The following LONP1 variants were observed in gnomAD, a reference collection of about 807,000 sequenced individuals.
LONP1 encodes lon protease homolog, mitochondrial.
In LONP1, 31 loss-of-function variants were observed where a neutral mutation model predicts 98.5. That is an observed-to-expected ratio of 0.31 (90% CI 0.24 to 0.42). LONP1 has a LOEUF of 0.42. LONP1 is among the 20% of genes least tolerant of loss of function. LONP1 has a pLI of 1.00. For synonymous variants in LONP1, 781 were observed against 594.7 expected (o/e 1.31, Z -4.56); for missense variants, 1,336 against 1,350.6 (o/e 0.99, Z 0.17).
chr19:5,707,895 G>A (rs2055173559), intron 5 of LONP1, 69 bp from the exon 6 acceptor site: 7 of 1,577,106 alleles, frequency 4.4e-6, no homozygotes, highest in African/African-American at 1.3e-5. Context: ...CCCCCAAACG[G>A]GGACCCGGTC....
chr19:5,693,487 G>A, intron 16 of LONP1, 25 bp from the exon 17 acceptor site: 4 of 1,611,614 alleles, frequency 2.5e-6, no homozygotes, highest in African/African-American at 1.3e-5. Context: ...GGGGATAGTG[G>A]GTGAGCAGGT....
chr19:5,705,227 C>G (rs1395923582), intron 8 of LONP1, among the ~76,000 whole-genome samples: 2 of 151,276 alleles, frequency 1.3e-5, no homozygotes, highest in African/African-American at 4.9e-5. Context: ...CAGGTCAAGG[C>G]AGCCGGATCA....
rs1168735732 is a variant in LONP1 at position 5,692,831 on chromosome 19, AC to A, written c.2703+466del. ...CCCTCGTGGTGGCATCTCCTGACTGACTGCACCAGGCTTCCTAGACACATGG... is the reference window on the plus strand; with the variant it reads ...CCCTCGTGGTGGCATCTCCTGACTGATGCACCAGGCTTCCTAGACACATGG... On this transcript the variant is annotated intron_variant, in intron 17 of 17. Coordinates refer to ENST00000360614, the MANE Select transcript of LONP1 (RefSeq NM_004793.4). Among the ~76,000 whole-genome samples, 11 of 152,132 alleles carry A rather than the reference AC, an allele frequency of 7.2e-5. No homozygotes were observed. In the East Asian group the frequency reaches 1.5e-3, roughly 21 times the overall value.
Position 5,705,764 on chromosome 19 carries a change from G to A in LONP1, c.1367+8C>T. On this transcript the variant is annotated splice_region_variant and intron_variant, in intron 8 of 17. Coordinates refer to ENST00000360614, the MANE Select transcript of LONP1 (RefSeq NM_004793.4). ...TGAGGGCTGGGCCGCCCCGGGCCTGGCACTCACTTGAACTCCGAGGAGTGG... is the reference window on the plus strand; with the variant it reads ...TGAGGGCTGGGCCGCCCCGGGCCTGACACTCACTTGAACTCCGAGGAGTGG... The A allele has an allele frequency of 1.2e-6, 2 of 1,613,152 alleles. No individual in the cohort carries two copies. Among genetic ancestry groups the A allele is most frequent in the Non-Finnish European group, 1.7e-6 (2 of 1,179,646 alleles).
chr19:5,708,585 G>A (rs1310123836), intron 4 of LONP1, 182 bp from the exon 5 acceptor site: 4 of 399,488 alleles, frequency 1.0e-5, no homozygotes, highest in Non-Finnish European at 2.0e-5. Flanking sequence ...GGACTCACCA[G>A]TCCCAGGGAC....
chr19:5,704,977 A>G (rs1195850323), intron 8 of LONP1, among the ~76,000 whole-genome samples: 1 of 152,092 alleles, frequency 6.6e-6, no homozygotes, highest in Non-Finnish European at 1.5e-5. Flanking sequence ...CCTGGCCAAC[A>G]TGGCAAAACC....
At chr19:5,717,049 C>T (rs2055336394) in intron 1 of LONP1, among the ~76,000 whole-genome samples, 1 of 152,252 alleles carries the variant, frequency 6.6e-6, no homozygotes. Flanking sequence ...CCACCTCAGC[C>T]TCCCAAAGTG....
Position 5,705,869 on chromosome 19 carries a change from G to A in LONP1, c.1270C>T (p.Arg424Cys), listed in dbSNP as rs1037684027. ...KDAIEEKFRE[R>C]LKELVVPKHV... ...TTGGGGACCACGAGCTCCTTCAGGC[G>A]CTCCCGGAACTTCTCCTCGATGGCA... The change falls in exon 8 of 18, where the codon CGC (arginine) becomes TGC (cysteine). Residue 424 changes from arginine to cysteine, a missense_variant. This residue lies in a region of LONP1 where 219 missense variants were observed against 241.0 expected (regional missense o/e 0.91). Coordinates refer to ENST00000360614, the MANE Select transcript of LONP1 (RefSeq NM_004793.4). 11 of 1,614,042 alleles carry A rather than the reference G, an allele frequency of 6.8e-6. No individual in the cohort carries two copies. Among genetic ancestry groups the A allele is most frequent in the Non-Finnish European group, 8.5e-6 (10 of 1,180,042 alleles).
At chr19:5,700,963 C>A (rs747138832) in intron 8 of LONP1, 36 bp from the exon 9 acceptor site, 1 of 1,612,588 alleles carries the variant, frequency 6.2e-7, no homozygotes, top group South Asian at 1.1e-5. Context: ...CTGAGTGGAG[C>A]TCACGAGCTG....
chr19:5,694,677 G>T, intron 14 of LONP1, 84 bp downstream of exon 14: 1 of 1,566,508 alleles, frequency 6.4e-7, no homozygotes, highest in Non-Finnish European at 8.7e-7. Flanking sequence ...AGGAAAGTGG[G>T]ATGATGGGCA....
At position 5,698,354 on chromosome 19, in the gene LONP1, G is replaced by A. The variant is rs182463661; in HGVS notation, c.1685+673C>T. 5.3e-5 allele frequency among the ~76,000 whole-genome samples: 8 copies of A among 152,342 alleles called. No homozygotes were observed. The East Asian group carries it at 1.2e-3, about 22-fold the overall frequency. The stretch of plus-strand genomic sequence containing the variant: ...ATGGAAACACGTGGTGGACTCAGCA[G>A]ATGCCTCACACTCGGCTCTCACTGA... On this transcript the variant is annotated intron_variant, in intron 10 of 17. Coordinates refer to ENST00000360614, the MANE Select transcript of LONP1 (RefSeq NM_004793.4).
Position 5,691,878 on chromosome 19 carries a change from C to CTGAT in LONP1, c.*150_*153dup, listed in dbSNP as rs2054828020. The CTGAT allele has an allele frequency of 4.5e-6, 4 of 887,682 alleles. No individual in the cohort carries two copies. Among genetic ancestry groups the CTGAT allele is most frequent in the East Asian group, 2.6e-5 (1 of 37,988 alleles). 55.0% of individuals were successfully genotyped at this position (887,682 alleles called of 1,614,324 possible). A position where few individuals can be genotyped will look rare whatever the true frequency, so the allele number is the denominator to read the frequency against. ...CATTAAATAGCTTCTATGCCACACT[C>CTGAT]TGATTAAGCCGACTGAGGTCCCTGG... On this transcript the variant is annotated 3_prime_UTR_variant, in exon 18 of 18. Transcript: ENST00000360614.
At chr19:5,709,433 G>A (rs1216553446) in intron 4 of LONP1, among the ~76,000 whole-genome samples, 6 of 151,998 alleles carry the variant, frequency 3.9e-5, no homozygotes, top group East Asian at 1.9e-4. Flanking sequence ...CCCAGGAGGC[G>A]GAGGTTGCCA....
rs774077904 is a variant in LONP1, at chr19:5,696,220, C to A, written c.1896+29G>T. On this transcript the variant is annotated intron_variant, in intron 12 of 17. Coordinates refer to ENST00000360614, the MANE Select transcript of LONP1 (RefSeq NM_004793.4). ...GGGACTGGCCGCTTACCCTCCCCAG[C>A]AAGCCCAGGCCCCAGACAGGCCCCC... The A allele has an allele frequency of 1.9e-6, 3 of 1,612,702 alleles. No homozygotes were observed. In the African/African-American group the frequency reaches 4.0e-5, roughly 22 times the overall value.
rs756947198 is a variant in LONP1, at chr19:5,720,071, C to A, written c.62G>T (p.Arg21Leu). 2 of 1,525,868 alleles carry A rather than the reference C, an allele frequency of 1.3e-6. No individual in the cohort carries two copies. The highest frequency in any genetic ancestry group is 1.2e-5 in the South Asian group (1 of 82,780). The allele number at this position is 1,525,868 out of a possible 1,614,324, so 94.5% of individuals were successfully genotyped here. A position where few individuals can be genotyped will look rare whatever the true frequency, so the allele number is the denominator to read the frequency against. Reference sequence around the variant, plus strand: ...CCCCCCGGCGGCGGCCAGCATCGGCCGCCGCAGCACCCAGCACCGCGCCGC... The same window carrying A: ...CCCCCCGGCGGCGGCCAGCATCGGCAGCCGCAGCACCCAGCACCGCGCCGC... ...WGAARCWVLRRPMLAAAGGRV... is the reference protein window; with the variant it reads ...WGAARCWVLRLPMLAAAGGRV... The change falls in exon 1 of 18, where the codon CGG (arginine) becomes CTG (leucine). Residue 21 changes from arginine to leucine, a missense_variant. Coordinates refer to ENST00000360614, the MANE Select transcript of LONP1 (RefSeq NM_004793.4).
upstream of LONP1, chr19:5,720,165 C>T (rs995382368): frequency 5.0e-6 from 7 of 1,387,622 alleles, no homozygotes; most frequent in African/African-American, 9.2e-5. Flanking sequence ...ACACAACTCG[C>T]GTCATTTCCG....
In LONP1 at chr19:5,720,136, C is replaced by T; in HGVS notation, c.-4G>A. Reference sequence around the variant, plus strand: ...CGTAGCCAGTGCTCGCCGCCATAGCCCGGCCATACTGGCGGCTCACACAAC... The same window carrying T: ...CGTAGCCAGTGCTCGCCGCCATAGCTCGGCCATACTGGCGGCTCACACAAC... On this transcript the variant is annotated 5_prime_UTR_variant, in exon 1 of 18. Transcript: ENST00000360614. 1.4e-6 allele frequency: 2 copies of T among 1,406,350 alleles called. No individual in the cohort carries two copies. Among genetic ancestry groups the T allele is most frequent in the Non-Finnish European group, 1.8e-6 (2 of 1,088,328 alleles). The allele number at this position is 1,406,350 out of a possible 1,614,324, so 87.1% of individuals were successfully genotyped here.
In LONP1 at chr19:5,693,326, A is replaced by G; in HGVS notation, c.2675T>C (p.Val892Ala). The change falls in exon 17 of 18, where the codon GTT becomes GCT. Residue 892 changes from valine (V) to alanine (A), a missense_variant. By Grantham distance (64) the Val-to-Ala change is moderately conservative. Transcript: ENST00000360614. ...EVSLTGKILP[V>A]GGIKEKTIAA... ...AATGGTCTTCTCCTTGATGCCACCA[A>G]CAGGCAGGATCTTGCCCGTGAGGGA... is the stretch of plus-strand genomic sequence containing the variant. 6.2e-7 allele frequency: 1 copy of G among 1,612,816 alleles called. No homozygotes were observed. Among genetic ancestry groups the G allele is most frequent in the Non-Finnish European group, 8.5e-7 (1 of 1,179,354 alleles).
chr19:5,716,227 A>C (rs1044252747), intron 1 of LONP1, among the ~76,000 whole-genome samples: 13 of 131,914 alleles, frequency 9.9e-5, no homozygotes. Flanking sequence ...TGAAGTTTTT[A>C]ATTCTTTATT....
Sources: allele counts gnomAD v4.1 joint callset (sites outside exome capture counted in the v4.1 genomes callset), GRCh38; gene constraint gnomAD v4.1.1; regional missense constraint gnomAD v4.1.1; transcripts MANE v1.5; gene names NCBI Gene and HGNC (gene_info 2026-07-23, HGNC 2026-07-21).